Variants in PAX7 observed in about 807,000 individuals in gnomAD.
PAX7 encodes paired box protein Pax-7.
In PAX7, 18 loss-of-function variants were observed where a neutral mutation model predicts 50.7. The ratio of observed to expected loss-of-function variants is 0.36; its 90% CI spans 0.25 to 0.53. The LOEUF is 0.53. PAX7 is among the 20% of genes least tolerant of loss of function. The probability of loss-of-function intolerance (pLI) is 0.93; values close to 1 mark genes in which losing one functional copy is unlikely to be tolerated. For missense variants in PAX7, 644 were observed against 702.9 expected, an observed-to-expected ratio of 0.92 and a Z score of 0.95; for synonymous variants, 310 against 290.4, an observed-to-expected ratio of 1.07 and a Z score of -0.69.
In PAX7 at chr1:18,735,617, G is replaced by A. The variant is rs745374882; in HGVS notation, c.1156-15G>A. The A allele has an allele frequency of 3.1e-6, 5 of 1,604,212 alleles. No individual in the cohort carries two copies. The East Asian group carries it at 1.1e-4, about 36-fold the overall frequency. ...CTGTCCGGTGAGCCTGGCACTAATGGCCTTTTCCCCACAGGTGATGAGCAT... is the reference window on the plus strand; with the variant it reads ...CTGTCCGGTGAGCCTGGCACTAATGACCTTTTCCCCACAGGTGATGAGCAT... On this transcript the variant is annotated splice_polypyrimidine_tract_variant and intron_variant, in intron 7 of 8. Transcript: ENST00000420770. This position sits in a 1 kb window ranked among gnomAD's most constrained non-coding sequence, Gnocchi z 4.0.
chr1:18,724,885 A>G (rs576695166), intron 7 of PAX7, among the ~76,000 whole-genome samples: 3 of 152,292 alleles, frequency 2.0e-5, no homozygotes, highest in South Asian at 2.1e-4. Context: ...ACGCAGCCAC[A>G]TAGCCACAGC....
At chr1:18,670,634 C>T (rs754670981) in intron 4 of PAX7, among the ~76,000 whole-genome samples, 14 of 152,190 alleles carry the variant, frequency 9.2e-5, no homozygotes, top group Non-Finnish European at 1.8e-4. Flanking sequence ...CCCAGGCATC[C>T]GTCCGTCAGT....
At chr1:18,708,119 A>G (rs2089307046) in intron 7 of PAX7, among the ~76,000 whole-genome samples, 1 of 152,088 alleles carries the variant, frequency 6.6e-6, no homozygotes, top group South Asian at 2.1e-4. Flanking sequence ...GAAGAGATGT[A>G]GGGAAAAGGA....
At chr1:18,739,215 C>T (rs1930985716) in intron 8 of PAX7, among the ~76,000 whole-genome samples, 1 of 152,184 alleles carries the variant, frequency 6.6e-6, no homozygotes, top group South Asian at 2.1e-4. Flanking sequence ...TTCCAAAATC[C>T]CACAGCATGG....
chr1:18,698,791 T>C (rs765834091), intron 5 of PAX7, among the ~76,000 whole-genome samples: 14 of 151,996 alleles, frequency 9.2e-5, no homozygotes, highest in Admixed American at 2.6e-4. Context: ...CTGCCTCCTC[T>C]CCCTTTCTCT....
chr1:18,681,691 ATTTAT>A (rs202204301), intron 4 of PAX7, among the ~76,000 whole-genome samples: 1,604 of 138,078 alleles, frequency 0.012, 18 homozygotes, highest in East Asian at 0.032. Context: ...AGGGCTTAGA[ATTTAT>A]TTTATTTTAT....
intron 6 of PAX7, 41 bp from the exon 7 acceptor site, chr1:18,703,051 GAT>G: frequency 6.4e-7 from 1 of 1,572,136 alleles, no homozygotes; most frequent in East Asian, 2.3e-5. Flanking sequence ...CAGCGTCCAG[GAT>G]GAGGCCACTT....
intron 4 of PAX7, among the ~76,000 whole-genome samples, chr1:18,675,286 G>A (rs763428615): frequency 2.0e-4 from 30 of 151,966 alleles, no homozygotes; most frequent in Non-Finnish European, 4.4e-5. Context: ...CAATAGGCAC[G>A]TGCCGATCGC....
chr1:18,736,947 G>A (rs1004734806), intron 8 of PAX7, among the ~76,000 whole-genome samples: 6 of 152,234 alleles, frequency 3.9e-5, no homozygotes, highest in South Asian at 2.1e-4. Flanking sequence ...CCCTTCTGCC[G>A]CAGGGCATGG....
chr1:18,701,903 A>C (rs776470375), intron 6 of PAX7, among the ~76,000 whole-genome samples: 1 of 152,104 alleles, frequency 6.6e-6, no homozygotes, highest in Non-Finnish European at 1.5e-5. Flanking sequence ...GAGGAAAGGA[A>C]AGTCTGGGTC....
chr1:18,633,989 T>A (rs1570097749), intron 1 of PAX7, among the ~76,000 whole-genome samples: 1 of 152,202 alleles, frequency 6.6e-6, no homozygotes, highest in East Asian at 1.9e-4. Context: ...CTCCCTCCCC[T>A]TCTTAGCAGC....
intron 7 of PAX7, among the ~76,000 whole-genome samples, chr1:18,730,478 T>C (rs2100393956): frequency 6.6e-6 from 1 of 152,028 alleles, no homozygotes; most frequent in East Asian, 1.9e-4. Context: ...CTTCAGTCTC[T>C]AGGCCCTGTG....
At chr1:18,738,183 T>C (rs1045094014) in intron 8 of PAX7, among the ~76,000 whole-genome samples, 2 of 152,134 alleles carry the variant, frequency 1.3e-5, no homozygotes, top group Admixed American at 6.5e-5. Flanking sequence ...GGGGTCTGCA[T>C]GTATATTTGA....
intron 4 of PAX7, among the ~76,000 whole-genome samples, chr1:18,671,555 G>A (rs1260148348): frequency 1.3e-5 from 2 of 152,082 alleles, no homozygotes; most frequent in African/African-American, 4.8e-5. Context: ...GGCCCTGGGA[G>A]GACGACCTTG....
intron 7 of PAX7, among the ~76,000 whole-genome samples, chr1:18,727,350 C>CTCT (rs139020295): frequency 3.7e-5 from 5 of 135,452 alleles, no homozygotes; most frequent in East Asian, 2.2e-4. Flanking sequence ...ACTCTCTCAT[C>CTCT]CTCTCTCTCT....
intron 4 of PAX7, among the ~76,000 whole-genome samples, chr1:18,641,418 C>T (rs2088251727): frequency 6.6e-6 from 1 of 152,008 alleles, no homozygotes; most frequent in South Asian, 2.1e-4. Flanking sequence ...AGAGGGGCTC[C>T]CCAGGGCGCG....
At chr1:18,708,221 C>T in intron 7 of PAX7, among the ~76,000 whole-genome samples, 1 of 152,086 alleles carries the variant, frequency 6.6e-6, no homozygotes. Context: ...CTCCCCTCTG[C>T]TCCGGGCTGA....
intron 4 of PAX7, among the ~76,000 whole-genome samples, chr1:18,681,729 TA>T (rs1489263780): frequency 1.4e-5 from 2 of 145,154 alleles, no homozygotes; most frequent in Non-Finnish European, 3.0e-5. Flanking sequence ...TATTTTATTT[TA>T]TTTTATTTTA....
intron 5 of PAX7, among the ~76,000 whole-genome samples, chr1:18,694,279 T>G (rs1177655173): frequency 2.0e-5 from 3 of 151,810 alleles, no homozygotes; most frequent in Non-Finnish European, 1.5e-5. Context: ...CTGACCAACA[T>G]AGAAACCCTG....
Sources: gnomAD v4.1 joint callset for allele counts (sites outside exome capture counted in the v4.1 genomes callset) on GRCh38, gnomAD v4.1.1 for gene constraint, Gnocchi (gnomAD v3.1) non-coding constraint, MANE v1.5 for transcripts, NCBI Gene and HGNC (gene_info 2026-07-23, HGNC 2026-07-21) for gene names.